The following NUDC variants were observed in gnomAD, a reference collection of about 807,000 sequenced individuals.
NUDC encodes the protein nuclear migration protein nudC.
NUDC carries 14 observed loss-of-function variants against 45.0 expected under a neutral mutation model. The ratio of observed to expected loss-of-function variants is 0.31; its 90% CI spans 0.21 to 0.49. The LOEUF is 0.49. Ranked by LOEUF, NUDC falls within the 20% of genes least tolerant of loss-of-function variation. The pLI is 0.99. For synonymous variants in NUDC, 153 were observed against 156.7 expected, an observed-to-expected ratio of 0.98 and a Z score of 0.17; for missense variants, 323 against 426.2, an observed-to-expected ratio of 0.76 and a Z score of 2.13.
intron 8 of NUDC, 70 bp downstream of exon 8, chr1:26,945,756 A>G: frequency 9.3e-7 from 1 of 1,072,900 alleles, no homozygotes; most frequent in Non-Finnish European, 1.5e-6. Flanking sequence ...GACAGCAGTG[A>G]GTGGATCACT....
At position 26,946,847 on chromosome 1, in the gene NUDC, CA is replaced by C. The variant is rs1281001918; in HGVS notation, c.*673del. 3.2e-5 allele frequency: 5 copies of C among 154,928 alleles called. No homozygotes were observed. The highest frequency in any genetic ancestry group is 6.3e-5 in the Admixed American group (1 of 15,914). 9.6% of individuals were successfully genotyped at this position (154,928 alleles called of 1,614,324 possible). On this transcript the variant is annotated 3_prime_UTR_variant, in exon 9 of 9. Coordinates refer to ENST00000321265, the MANE Select transcript of NUDC (RefSeq NM_006600.4). Reference sequence around the variant, plus strand: ...AGCATGGGTGACAGAGACTCCATCTCAAAAAAATAAATAAATAAAACAAGGC... The same window carrying C: ...AGCATGGGTGACAGAGACTCCATCTCAAAAAATAAATAAATAAAACAAGGC...
intron 2 of NUDC, among the ~76,000 whole-genome samples, chr1:26,936,117 C>T (rs1388589970): frequency 8.3e-6 from 1 of 120,218 alleles, no homozygotes; most frequent in Non-Finnish European, 1.7e-5. Flanking sequence ...TACAGGCACC[C>T]ACCACCACGC....
At chr1:26,912,563 A>T (rs1279075446) in intron 3 of NUDC, among the ~76,000 whole-genome samples, 1 of 152,192 alleles carries the variant, frequency 6.6e-6, no homozygotes, top group African/African-American at 2.4e-5. Context: ...ACTACGATTT[A>T]TGCGTGCCAC....
intron 3 of NUDC, among the ~76,000 whole-genome samples, chr1:26,915,058 C>CATACATATAT (rs758134417): frequency 1.0e-4 from 14 of 140,538 alleles, no homozygotes; most frequent in African/African-American, 3.7e-4. Flanking sequence ...TACATACATA[C>CATACATATAT]ATATATATAT....
rs60238934 is a variant in NUDC at position 26,927,264 on chromosome 1, CGT to C, written c.159+3137_159+3138del. Among the ~76,000 whole-genome samples the C allele has an allele frequency of 3.5e-3, 322 of 91,802 alleles. 5 individuals carry two copies. The highest frequency in any genetic ancestry group is 0.011 in the African/African-American group (223 of 20,712). 60.2% of individuals were successfully genotyped at this position (91,802 alleles called of 152,430 possible). On this transcript the variant is annotated intron_variant, in intron 2 of 8. Transcript: ENST00000321265. Reference sequence around the variant, plus strand: ...GCTGTAAGAAGGGAGAGAGATGAACCGTGTGTGTGTGTGTGTGTGTGTGTGTG... The same window carrying C: ...GCTGTAAGAAGGGAGAGAGATGAACCGTGTGTGTGTGTGTGTGTGTGTGTG...
At position 26,941,736 on chromosome 1, in the gene NUDC, T is replaced by C; in HGVS notation, c.364-17T>C. Reference sequence around the variant, plus strand: ...GCAGTGGGGTCCTGTTGCCAACTGCTGTGCTCTTTGCCCCAGAAAAAGGAT... The same window carrying C: ...GCAGTGGGGTCCTGTTGCCAACTGCCGTGCTCTTTGCCCCAGAAAAAGGAT... On this transcript the variant is annotated splice_polypyrimidine_tract_variant and intron_variant, in intron 3 of 8. Transcript: ENST00000321265. 2 of 1,614,182 alleles carry C rather than the reference T, an allele frequency of 1.2e-6. No individual in the cohort carries two copies. Among genetic ancestry groups the C allele is most frequent in the Non-Finnish European group, 1.7e-6 (2 of 1,180,026 alleles).
chr1:26,904,564 A>G lies in NUDC; in HGVS notation c.-16+2198A>G, dbSNP rs1041940325. ...CCTCAGCCTCCCCAGTAGCTGGGAT[A>G]ACAGACTTGAAACACTGCACCTGGC... On this transcript the variant is annotated intron_variant, in intron 2 of 6. Coordinates refer to the NUDC transcript ENST00000435827. Among the ~76,000 whole-genome samples the G allele has an allele frequency of 3.3e-5, 5 of 152,082 alleles. No individual in the cohort carries two copies. The South Asian group carries it at 1.0e-3, about 31-fold the overall frequency.
chr1:26,924,893 T>C (rs2082118644), intron 2 of NUDC, among the ~76,000 whole-genome samples: 1 of 151,560 alleles, frequency 6.6e-6, no homozygotes, highest in Non-Finnish European at 1.5e-5. Context: ...TTTTATTTTA[T>C]TTTTTGAAAT....
chr1:26,909,164 A>C (rs1181563622), intron 2 of NUDC, among the ~76,000 whole-genome samples: 1 of 151,624 alleles, frequency 6.6e-6, no homozygotes, highest in African/African-American at 2.4e-5. Flanking sequence ...TAGTAGAGAC[A>C]GGGTTTCACC....
intron 2 of NUDC, among the ~76,000 whole-genome samples, chr1:26,935,171 A>G (rs2082218446): frequency 6.6e-6 from 1 of 150,662 alleles, no homozygotes; most frequent in Non-Finnish European, 1.5e-5. Flanking sequence ...TAGTAGAGAC[A>G]GGGTTTCACT....
In NUDC at chr1:26,913,774, CAGGTGCGATG is replaced by C. The variant is rs540387719; in HGVS notation, c.93+2546_93+2555del. On this transcript the variant is annotated intron_variant, in intron 3 of 6. Coordinates refer to the NUDC transcript ENST00000435827. ...GGCCAGAACATCCAAGGCCTCCCGGCAGGTGCGATGAGGTGCACATAGCTGGACGGGCCGG... is the reference window on the plus strand; with the variant it reads ...GGCCAGAACATCCAAGGCCTCCCGGCAGGTGCACATAGCTGGACGGGCCGG... 1.2e-4 allele frequency: 180 copies of C among 1,564,880 alleles called. No individual in the cohort carries two copies. In the East Asian group the frequency reaches 3.8e-3, roughly 33 times the overall value.
intron 2 of NUDC, among the ~76,000 whole-genome samples, chr1:26,903,088 A>G (rs1020174628): frequency 1.3e-5 from 2 of 151,948 alleles, no homozygotes; most frequent in African/African-American, 4.8e-5. Flanking sequence ...TCTCCTTACC[A>G]AGCCTGGATT....
chr1:26,946,192 T>G lies in NUDC; in HGVS notation c.*11T>G, dbSNP rs1033714430. The stretch of plus-strand genomic sequence containing the variant: ...GCTAAATTCAACTAGCCCCTGTTTT[T>G]TCCTCCCTGAACTCTTGGGGCTGAG... On this transcript the variant is annotated 3_prime_UTR_variant, in exon 9 of 9. Transcript: ENST00000321265. 5 of 1,611,098 alleles carry G rather than the reference T, an allele frequency of 3.1e-6. No homozygotes were observed. The highest frequency in any genetic ancestry group is 2.7e-5 in the African/African-American group (2 of 74,856).
At chr1:26,926,615 T>C (rs1570727177) in intron 2 of NUDC, among the ~76,000 whole-genome samples, 5 of 152,164 alleles carry the variant, frequency 3.3e-5, no homozygotes, top group South Asian at 4.1e-4. Context: ...CTTTTTTTTT[T>C]TGACACGGAG....
chr1:26,945,276 A>G, intron 6 of NUDC, 114 bp from the exon 7 acceptor site: 14 of 822,816 alleles, frequency 1.7e-5, no homozygotes, highest in Non-Finnish European at 2.9e-5. Context: ...TAGGCCTGCA[A>G]GGGTCTCAGG....
chr1:26,945,653 C>T lies in NUDC; in HGVS notation c.911C>T (p.Ser304Leu). The change falls in exon 8 of 9, where the codon TCA becomes TTA. Residue 304 changes from serine to leucine, a missense_variant. Transcript: ENST00000321265. ...CAGAAGTCCATGGGGCTGCCAACTT[C>T]AGACGAACAGAAGAAACAGGAGATT... ...QRQKSMGLPT[S>L]DEQKKQEILK... is the part of the protein sequence containing the mutation. 6.2e-6 allele frequency: 10 copies of T among 1,614,114 alleles called. No individual in the cohort carries two copies. The highest frequency in any genetic ancestry group is 6.8e-6 in the Non-Finnish European group (8 of 1,179,996).
chr1:26,941,424 T>C, intron 2 of NUDC, 33 bp from the exon 3 acceptor site: 2 of 1,607,538 alleles, frequency 1.2e-6, no homozygotes, highest in Non-Finnish European at 1.7e-6. Flanking sequence ...TGTCCCCTGC[T>C]CTGATGCCTC....
At chr1:26,923,443 T>G (rs965783897) in intron 1 of NUDC, among the ~76,000 whole-genome samples, 1 of 152,182 alleles carries the variant, frequency 6.6e-6, no homozygotes, top group Non-Finnish European at 1.5e-5. Context: ...TCATTTGCTC[T>G]CCTCCTTCTT....
At chr1:26,946,106 T>TTAA (rs772539159) in intron 8 of NUDC, 24 bp from the exon 9 acceptor site, 1 of 1,576,502 alleles carries the variant, frequency 6.3e-7, no homozygotes, top group South Asian at 1.1e-5. Context: ...GATGAGCTGT[T>TTAA]TCATCTTGCT....
Sources: gnomAD v4.1 joint callset for allele counts (sites outside exome capture counted in the v4.1 genomes callset) on GRCh38, gnomAD v4.1.1 for gene constraint, MANE v1.5 for transcripts, NCBI Gene and HGNC (gene_info 2026-07-23, HGNC 2026-07-21) for gene names.